Variants in AGBL4 observed in about 807,000 individuals in gnomAD.
AGBL4 encodes the protein AGBL carboxypeptidase 4.
Under a neutral mutation model 66.4 loss-of-function variants are expected in AGBL4, and 58 were observed. That is an observed-to-expected ratio of 0.87 (90% CI 0.71 to 1.09). The LOEUF is 1.09. Among genes scored for constraint, AGBL4 ranks in the 50% least tolerant of loss-of-function variants. The pLI, the probability that AGBL4 is intolerant of heterozygous loss-of-function variation, is 0.00. For synonymous variants in AGBL4, 234 were observed against 222.9 expected (o/e 1.05, Z -0.44); for missense variants, 579 against 631.0 (o/e 0.92, Z 0.88).
chr1:49,271,463 G>A (rs1031046851), intron 3 of AGBL4, among the ~76,000 whole-genome samples: 6 of 151,114 alleles, frequency 4.0e-5, no homozygotes, highest in South Asian at 4.2e-4. Context: ...ATTTCAAAGC[G>A]TTGTGTTTTC....
intron 1 of AGBL4, among the ~76,000 whole-genome samples, chr1:49,865,153 A>G (rs1646670410): frequency 6.6e-6 from 1 of 152,134 alleles, no homozygotes. Context: ...AACCTCTGTA[A>G]ATCAGAGGAC....
intron 3 of AGBL4, among the ~76,000 whole-genome samples, chr1:49,656,641 C>T (rs1292284413): frequency 1.3e-5 from 2 of 152,136 alleles, no homozygotes; most frequent in African/African-American, 4.8e-5. Context: ...AGCAGCACAT[C>T]AAAAAGCTTA....
At chr1:48,608,683 C>T (rs1645190024) in intron 9 of AGBL4, among the ~76,000 whole-genome samples, 3 of 152,052 alleles carry the variant, frequency 2.0e-5, no homozygotes, top group African/African-American at 7.2e-5. Context: ...ATAACAGAGG[C>T]TTCTATTCTA....
intron 3 of AGBL4, among the ~76,000 whole-genome samples, chr1:49,648,741 A>G (rs1054055632): frequency 6.6e-6 from 1 of 152,010 alleles, no homozygotes; most frequent in Non-Finnish European, 1.5e-5. Context: ...AAAAACTACA[A>G]TTCTTTTACT....
chr1:49,450,371 T>C (rs533307615), intron 3 of AGBL4, among the ~76,000 whole-genome samples: 73 of 152,106 alleles, frequency 4.8e-4, no homozygotes, highest in African/African-American at 1.7e-3. Flanking sequence ...AACAGAACTC[T>C]TAGGAATACC....
chr1:48,923,040 C>A (rs1654224601), intron 5 of AGBL4, among the ~76,000 whole-genome samples: 1 of 149,364 alleles, frequency 6.7e-6, no homozygotes, highest in African/African-American at 2.5e-5. Flanking sequence ...TTTCTGTATG[C>A]ACAAAATCTT....
intron 3 of AGBL4, among the ~76,000 whole-genome samples, chr1:49,302,330 G>A (rs1222918210): frequency 1.3e-5 from 2 of 151,544 alleles, no homozygotes; most frequent in Non-Finnish European, 2.9e-5. Flanking sequence ...TTGGCTCAAT[G>A]CAACCTCTGC....
At chr1:48,606,878 G>A (rs72679397) in intron 9 of AGBL4, among the ~76,000 whole-genome samples, 21,627 of 152,228 alleles carry the variant, frequency 0.14, 1,649 homozygotes, top group South Asian at 0.19. Flanking sequence ...GTGCACTGCT[G>A]TAAGATGGCA....
At chr1:48,850,242 C>G (rs1030770135) in intron 6 of AGBL4, among the ~76,000 whole-genome samples, 43 of 152,162 alleles carry the variant, frequency 2.8e-4, no homozygotes, top group African/African-American at 1.0e-3. Flanking sequence ...GCTCTAGGCC[C>G]CAGGCACTAT....
At chr1:49,646,431 A>AT (rs1645889424) in intron 3 of AGBL4, among the ~76,000 whole-genome samples, 1 of 151,932 alleles carries the variant, frequency 6.6e-6, no homozygotes, top group Admixed American at 6.6e-5. Flanking sequence ...AAAAATGCCT[A>AT]TTACAATAGC....
At chr1:49,086,711 A>G (rs1644913936) in intron 4 of AGBL4, among the ~76,000 whole-genome samples, 1 of 152,044 alleles carries the variant, frequency 6.6e-6, no homozygotes, top group African/African-American at 2.4e-5. Flanking sequence ...CAGATGGGCC[A>G]CACCTGCTAG....
chr1:48,656,404 A>G (rs1217913368), intron 7 of AGBL4, among the ~76,000 whole-genome samples: 1 of 152,232 alleles, frequency 6.6e-6, no homozygotes, highest in Non-Finnish European at 1.5e-5. Flanking sequence ...ATCATTGCTC[A>G]TTCTACAAAC....
chr1:49,714,222 T>C (rs1401589101), intron 2 of AGBL4, among the ~76,000 whole-genome samples: 1 of 151,944 alleles, frequency 6.6e-6, no homozygotes, highest in Non-Finnish European at 1.5e-5. Context: ...TTAAAATAGA[T>C]TTTAGGGTGC....
chr1:49,560,433 A>C (rs994121562), intron 3 of AGBL4, among the ~76,000 whole-genome samples: 5 of 152,134 alleles, frequency 3.3e-5, no homozygotes, highest in Admixed American at 1.3e-4. Context: ...CAGAGTATTA[A>C]AAAAAGACAA....
chr1:49,755,371 G>A (rs1008181445), intron 2 of AGBL4, among the ~76,000 whole-genome samples: 1 of 152,132 alleles, frequency 6.6e-6, no homozygotes, highest in East Asian at 1.9e-4. Flanking sequence ...CTTGCTCCAA[G>A]CTATACTGTG....
At chr1:48,783,523 G>A (rs995009627) in intron 6 of AGBL4, among the ~76,000 whole-genome samples, 4 of 152,170 alleles carry the variant, frequency 2.6e-5, no homozygotes, top group African/African-American at 9.7e-5. Flanking sequence ...AGAAATGTGG[G>A]CTTAGGAATC....
chr1:49,457,558 A>G (rs1301324338), intron 3 of AGBL4, among the ~76,000 whole-genome samples: 2 of 151,688 alleles, frequency 1.3e-5, no homozygotes, highest in Admixed American at 1.3e-4. Flanking sequence ...GAAGCTTTTA[A>G]GTTTAACTCG....
Position 49,324,918 on chromosome 1 carries a change from T to G in AGBL4, c.283-79054A>C, listed in dbSNP as rs1426922495. On this transcript the variant is annotated intron_variant, in intron 3 of 13. Coordinates refer to ENST00000371839, the MANE Select transcript of AGBL4 (RefSeq NM_032785.4). The stretch of plus-strand genomic sequence containing the variant: ...ATCAATGATCACACAGTCCTTATAT[T>G]AGGAACATGGAGAGAAAAAAGGAGG... Among the ~76,000 whole-genome samples, 3 of 152,334 alleles carry G rather than the reference T, an allele frequency of 2.0e-5. No individual in the cohort carries two copies. In the East Asian group the frequency reaches 5.8e-4, roughly 29 times the overall value.
chr1:48,619,242 AAG>A (rs1211497659), intron 9 of AGBL4, among the ~76,000 whole-genome samples: 4 of 152,216 alleles, frequency 2.6e-5, no homozygotes, highest in Non-Finnish European at 4.4e-5. Context: ...TGCTCTGTGC[AAG>A]AGAGTGCAGA....
Sources: gnomAD v4.1 joint callset for allele counts (sites outside exome capture counted in the v4.1 genomes callset) on GRCh38, gnomAD v4.1.1 for gene constraint, MANE v1.5 for transcripts, NCBI Gene and HGNC (gene_info 2026-07-23, HGNC 2026-07-21) for gene names.